The following LGI1 variants were observed in gnomAD, a reference collection of about 807,000 sequenced individuals.
LGI1 encodes leucine rich glioma inactivated 1, also known as leucine-rich glioma-inactivated protein 1.
LGI1 carries 11 observed loss-of-function variants against 57.7 expected under a neutral mutation model. The ratio of observed to expected loss-of-function variants is 0.19; its 90% confidence interval spans 0.12 to 0.32. The LOEUF (loss-of-function observed/expected upper bound fraction) is 0.32, where lower values mean the gene tolerates loss of function less well. Ranked by LOEUF, LGI1 falls within the 10% of genes least tolerant of loss-of-function variation. The pLI is 1.00. For missense variants in LGI1, 422 were observed against 661.9 expected, an observed-to-expected ratio of 0.64 and a Z score of 3.98; for synonymous variants, 222 against 241.9, an observed-to-expected ratio of 0.92 and a Z score of 0.76.
chr10:93,795,923 TAGAA>T (rs2059975827), intron 7 of LGI1, among the ~76,000 whole-genome samples: 1 of 152,232 alleles, frequency 6.6e-6, no homozygotes, highest in Admixed American at 6.5e-5. Context: ...AGCCAATTAG[TAGAA>T]AGAATTAATG....
Position 93,758,040 on chromosome 10 carries a change from G to A in LGI1, c.-105G>A. The stretch of plus-strand genomic sequence containing the variant: ...GTTTTGAAAAAGCAGAGATACAGAG[G>A]CAGAGGAAAAGGGTGGACTCCTATG... On this transcript the variant is annotated 5_prime_UTR_variant, in exon 1 of 8. Transcript: ENST00000371418. This position sits in a 1 kb window ranked among gnomAD's most constrained non-coding sequence, Gnocchi z 4.7. 1.0e-6 allele frequency: 1 copy of A among 960,162 alleles called. No homozygotes were observed. Among genetic ancestry groups the A allele is most frequent in the East Asian group, 2.6e-5 (1 of 38,824 alleles). The allele number at this position is 960,162 out of a possible 1,614,324, so 59.5% of individuals were successfully genotyped here. A position where few individuals can be genotyped will look rare whatever the true frequency, so the allele number is the denominator to read the frequency against.
chr10:93,762,710 G>A (rs564721696), intron 2 of LGI1: 1 of 152,180 alleles, frequency 6.6e-6, no homozygotes, highest in East Asian at 1.9e-4. Flanking sequence ...TTTGCCCAAT[G>A]ATCCATAGAT....
At chr10:93,796,855 A>G (rs182082324) in intron 7 of LGI1, 113 bp from the exon 8 acceptor site, 2 of 861,338 alleles carry the variant, frequency 2.3e-6, no homozygotes, top group East Asian at 5.0e-5. Flanking sequence ...TCAACCAAGG[A>G]GATCTCTTGT....
At chr10:93,777,708 C>T (rs534769772) in intron 4 of LGI1, 91 bp downstream of exon 4, 1 of 1,012,702 alleles carries the variant, frequency 9.9e-7, no homozygotes, top group African/African-American at 1.6e-5. Context: ...TTATGAGTGT[C>T]CATAAAAATT....
chr10:93,797,517 C>G lies in LGI1; in HGVS notation c.1388C>G (p.Ser463Cys). Residue 463 changes from serine (S) to cysteine (C), a missense_variant, in exon 8 of 8, where the codon TCC (serine) becomes TGC (cysteine). By Grantham distance (112) the Ser-to-Cys change is moderately radical (BLOSUM62 -1). This residue lies in a region of LGI1 where 301 missense variants were observed against 461.7 expected (regional missense o/e 0.65). Transcript: ENST00000371418. The surrounding 1 kb of genome is among the most constrained non-coding windows in gnomAD (Gnocchi z 6.5). ...TCCAAAGTCATGAAATGGGGAGGCT[C>G]CTCGTTCCAGGATATTCAGAGGATG... ...GDSKVMKWGGSSFQDIQRMPS... is the reference protein window; with the variant it reads ...GDSKVMKWGGCSFQDIQRMPS... 1 of 1,614,156 alleles carries G rather than the reference C, an allele frequency of 6.2e-7. No individual in the cohort carries two copies. Among genetic ancestry groups the G allele is most frequent in the African/African-American group, 1.3e-5 (1 of 75,036 alleles).
rs61662431 is a variant in LGI1 at position 93,790,079 on chromosome 10, C to CTTT, written c.432-7_432-5dup. Reference sequence around the variant, plus strand: ...AATTTATCACTACAGTTTACATCACCTTTTTTTTTTTTTTTCCAGGAGCCT... The same window carrying CTTT: ...AATTTATCACTACAGTTTACATCACCTTTTTTTTTTTTTTTTTTCCAGGAGCCT... On this transcript the variant is annotated intron_variant, in intron 4 of 7. Coordinates refer to ENST00000371418, the MANE Select transcript of LGI1 (RefSeq NM_005097.4). 101,303 of 1,377,972 alleles carry CTTT rather than the reference C, an allele frequency of 0.074. 176 individuals carry two copies. The highest frequency in any genetic ancestry group is 0.082 in the Non-Finnish European group (83,390 of 1,018,578). 85.4% of individuals were successfully genotyped at this position (1,377,972 alleles called of 1,614,324 possible).
At chr10:93,777,749 C>A in intron 4 of LGI1, 132 bp downstream of exon 4, 1 of 690,626 alleles carries the variant, frequency 1.4e-6, no homozygotes, top group Non-Finnish European at 2.6e-6. Context: ...TCTCCATGCA[C>A]ACTTGCCATC....
In LGI1 at chr10:93,758,572, A is replaced by G; in HGVS notation, c.216-188A>G. On this transcript the variant is annotated intron_variant, in intron 1 of 7. Transcript: ENST00000371418. The surrounding 1 kb of genome is among the most constrained non-coding windows in gnomAD (Gnocchi z 4.7). ...TTAGATACCCCCAGCCCTGAACATT[A>G]TCATGAGAAACCTGTAGCCGATTCA... 1.4e-6 allele frequency: 1 copy of G among 690,150 alleles called. No homozygotes were observed. Among genetic ancestry groups the G allele is most frequent in the Non-Finnish European group, 2.5e-6 (1 of 400,644 alleles). The allele number at this position is 690,150 out of a possible 1,614,324, so 42.8% of individuals were successfully genotyped here.
chr10:93,796,248 C>T (rs775425032), intron 7 of LGI1, among the ~76,000 whole-genome samples: 13 of 152,242 alleles, frequency 8.5e-5, no homozygotes, highest in South Asian at 2.1e-4. Context: ...TGACAAGTGG[C>T]ATCTCCTTTC....
chr10:93,774,384 A>T (rs2059771321), intron 2 of LGI1, among the ~76,000 whole-genome samples: 1 of 152,190 alleles, frequency 6.6e-6, no homozygotes, highest in African/African-American at 2.4e-5. Context: ...ACACAGATCT[A>T]GGTATCTCTC....
chr10:93,796,053 A>G (rs963958416), intron 7 of LGI1, among the ~76,000 whole-genome samples: 1 of 152,258 alleles, frequency 6.6e-6, no homozygotes, highest in African/African-American at 2.4e-5. Flanking sequence ...ATCTACTGAT[A>G]AATGTCAAAC....
At chr10:93,767,721 A>G (rs2059693481) in intron 2 of LGI1, 1 of 152,164 alleles carries the variant, frequency 6.6e-6, no homozygotes, top group East Asian at 1.9e-4. Context: ...TCTGGGAGTC[A>G]GGCTCCTCAG....
intron 7 of LGI1, among the ~76,000 whole-genome samples, chr10:93,795,552 A>G (rs571445415): frequency 2.0e-5 from 3 of 152,282 alleles, no homozygotes; most frequent in Admixed American, 6.5e-5. Context: ...TACAACATAA[A>G]TTTTGGAGGG....
At chr10:93,773,222 G>A (rs1021979788) in intron 2 of LGI1, among the ~76,000 whole-genome samples, 2 of 152,046 alleles carry the variant, frequency 1.3e-5, no homozygotes, top group Admixed American at 6.6e-5. Context: ...TCTAAGAAAG[G>A]CATTATTGTT....
At chr10:93,783,244 CGG>C (rs1564847398) in intron 4 of LGI1, among the ~76,000 whole-genome samples, 3 of 152,048 alleles carry the variant, frequency 2.0e-5, no homozygotes, top group Admixed American at 6.6e-5. Flanking sequence ...GGCGTGGTGG[CGG>C]GCGCCTGTAG....
intron 4 of LGI1, among the ~76,000 whole-genome samples, chr10:93,780,981 G>A (rs540020185): frequency 2.2e-4 from 34 of 152,196 alleles, no homozygotes; most frequent in African/African-American, 7.7e-4. Context: ...TTTAGTTCAC[G>A]CCTAAGAAAC....
At chr10:93,787,614 T>A (rs1188572713) in intron 4 of LGI1, among the ~76,000 whole-genome samples, 1 of 152,110 alleles carries the variant, frequency 6.6e-6, no homozygotes, top group African/African-American at 2.4e-5. Context: ...CACTCATTAT[T>A]TAAAAGAATC....
rs781404129 is a variant in LGI1 at position 93,793,250 on chromosome 10, T to A, written c.738T>A (p.Asn246Lys). ...CCATAGACACTTTTTCTTATTTGAA[T>A]GATGAGTATGTAGTCATCGCTCAGC... Reference protein sequence around the residue: ...SLSIDTFSYLNDEYVVIAQPF... With the variant: ...SLSIDTFSYLKDEYVVIAQPF... Residue 246 changes from asparagine (N) to lysine (K), a missense_variant, in exon 7 of 8, where the codon AAT becomes AAA. Physicochemically the swap from Asn to Lys is moderately conservative, Grantham distance 94. This residue lies in a region of LGI1 where 301 missense variants were observed against 461.7 expected (regional missense o/e 0.65). Coordinates refer to ENST00000371418, the MANE Select transcript of LGI1 (RefSeq NM_005097.4). 7.4e-6 allele frequency: 12 copies of A among 1,612,918 alleles called. 1 individual carries two copies. In the Admixed American group the frequency reaches 1.3e-4, roughly 18 times the overall value.
intron 2 of LGI1, chr10:93,777,051 G>A (rs1242965390): frequency 9.4e-6 from 4 of 424,096 alleles, no homozygotes; most frequent in African/African-American, 8.0e-5. Flanking sequence ...AAGATTGTTA[G>A]TGCCTTTGTC....
Sources: gnomAD v4.1 joint callset for allele counts (sites outside exome capture counted in the v4.1 genomes callset) on GRCh38, gnomAD v4.1.1 for gene constraint, gnomAD v4.1.1 regional missense constraint, Gnocchi (gnomAD v3.1) non-coding constraint, MANE v1.5 for transcripts, NCBI Gene and HGNC (gene_info 2026-07-23, HGNC 2026-07-21) for gene names.